The following DGKB variants were observed in gnomAD, a reference collection of about 807,000 sequenced individuals.
DGKB encodes 90 kDa diacylglycerol kinase.
A neutral mutation model predicts 114.3 loss-of-function variants in DGKB; 67 were observed. The ratio of observed to expected loss-of-function variants is 0.59; its 90% confidence interval spans 0.48 to 0.72. The LOEUF (loss-of-function observed/expected upper bound fraction) is 0.72. Ranked by LOEUF, DGKB falls within the 30% of genes least tolerant of loss-of-function variation. The pLI is 0.00. For synonymous variants in DGKB, 398 were observed against 323.1 expected (o/e 1.23, Z -2.49); for missense variants, 907 against 975.2 (o/e 0.93, Z 0.93).
chr7:14,541,062 T>A (rs1584688562), intron 20 of DGKB, among the ~76,000 whole-genome samples: 1 of 152,270 alleles, frequency 6.6e-6, no homozygotes, highest in South Asian at 2.1e-4. Flanking sequence ...TAGTAGCAGG[T>A]AGTTGACACC....
chr7:14,237,774 G>A (rs1172873616), intron 23 of DGKB, among the ~76,000 whole-genome samples: 1 of 151,610 alleles, frequency 6.6e-6, no homozygotes. Flanking sequence ...TTTTTAATTT[G>A]CCTGTTTAAG....
At chr7:14,674,207 T>C (rs949260904) in intron 12 of DGKB, among the ~76,000 whole-genome samples, 6 of 151,978 alleles carry the variant, frequency 3.9e-5, no homozygotes, top group Non-Finnish European at 5.9e-5. Context: ...AAACGTATCT[T>C]TCCATGTTCA....
chr7:14,236,640 T>A (rs1449522913), intron 23 of DGKB, among the ~76,000 whole-genome samples: 1 of 152,004 alleles, frequency 6.6e-6, no homozygotes, highest in African/African-American at 2.4e-5. Context: ...TAAAATTTTC[T>A]AAAAATCAAA....
chr7:14,902,012 C>A (rs1227114045), intron 1 of DGKB, among the ~76,000 whole-genome samples: 1 of 152,082 alleles, frequency 6.6e-6, no homozygotes, highest in Non-Finnish European at 1.5e-5. Flanking sequence ...GGGGACCCTC[C>A]ATGTGGCACC....
At chr7:14,201,073 A>G (rs927052497) in intron 23 of DGKB, among the ~76,000 whole-genome samples, 1 of 152,012 alleles carries the variant, frequency 6.6e-6, no homozygotes, top group African/African-American at 2.4e-5. Context: ...TGGATCGCAT[A>G]TAAACAACAA....
intron 21 of DGKB, among the ~76,000 whole-genome samples, chr7:14,407,563 C>T (rs570754919): frequency 2.3e-4 from 35 of 152,114 alleles, no homozygotes; most frequent in South Asian, 1.9e-3. Context: ...AAAAGCCTAA[C>T]CACACAAGCA....
At chr7:14,284,641 GA>G (rs1038504382) in intron 23 of DGKB, among the ~76,000 whole-genome samples, 3 of 146,622 alleles carry the variant, frequency 2.0e-5, no homozygotes, top group African/African-American at 8.0e-5. Context: ...ACTGGATTAA[GA>G]AAATGTGGCA....
intron 6 of DGKB, among the ~76,000 whole-genome samples, chr7:14,707,050 C>A (rs929280700): frequency 6.7e-6 from 1 of 150,208 alleles, no homozygotes; most frequent in Non-Finnish European, 1.5e-5. Context: ...AAAGGATCAA[C>A]AAAATTGACA....
At chr7:14,697,915 A>G in intron 8 of DGKB, among the ~76,000 whole-genome samples, 180 bp downstream of exon 8, 1 of 150,072 alleles carries the variant, frequency 6.7e-6, no homozygotes, top group Non-Finnish European at 1.5e-5. Context: ...AGAAGGAAGG[A>G]AGAGAGAGAA....
At chr7:14,558,320 G>T (rs1796165910) in intron 20 of DGKB, among the ~76,000 whole-genome samples, 2 of 151,704 alleles carry the variant, frequency 1.3e-5, no homozygotes, top group African/African-American at 4.8e-5. Flanking sequence ...AGAAATGAAA[G>T]TTTATAAATC....
At chr7:14,852,487 C>CAAAAAAAAAAAACAAAAAA in intron 1 of DGKB, among the ~76,000 whole-genome samples, 7 of 63,614 alleles carry the variant, frequency 1.1e-4, no homozygotes, top group Admixed American at 6.4e-4. Context: ...TAGTGAAAGT[C>CAAAAAAAAAAAACAAAAAA]AAAAAAAAAA....
chr7:14,713,162 T>C (rs1033447579), intron 6 of DGKB, among the ~76,000 whole-genome samples: 1 of 152,162 alleles, frequency 6.6e-6, no homozygotes, highest in Non-Finnish European at 1.5e-5. Context: ...TTATGCAAGA[T>C]AATTTTTTAT....
At chr7:14,689,212 T>TTA (rs1563917755) in intron 9 of DGKB, among the ~76,000 whole-genome samples, 1 of 130,490 alleles carries the variant, frequency 7.7e-6, no homozygotes. Context: ...TTTTTTTTTT[T>TTA]TTTTTTTTTT....
chr7:14,700,703 T>G (rs1237133984), intron 7 of DGKB, among the ~76,000 whole-genome samples: 2 of 152,150 alleles, frequency 1.3e-5, no homozygotes, highest in Admixed American at 1.3e-4. Flanking sequence ...CTTTTAAAAG[T>G]CTATTTTAGC....
chr7:14,180,057 C>T (rs981643579), intron 23 of DGKB, among the ~76,000 whole-genome samples: 22 of 152,096 alleles, frequency 1.4e-4, no homozygotes, highest in African/African-American at 3.4e-4. Flanking sequence ...AACCAGAAAA[C>T]GACATTGTGG....
intron 23 of DGKB, among the ~76,000 whole-genome samples, chr7:14,278,499 G>T (rs1799361798): frequency 6.6e-6 from 1 of 152,034 alleles, no homozygotes; most frequent in African/African-American, 2.4e-5. Context: ...AACTCAAATG[G>T]ACTAAACACT....
intron 9 of DGKB, among the ~76,000 whole-genome samples, chr7:14,690,813 T>TA (rs1410250493): frequency 2.0e-5 from 3 of 152,218 alleles, no homozygotes; most frequent in African/African-American, 7.2e-5. Context: ...TGGATTTTTT[T>TA]AAAAAACAAT....
intron 23 of DGKB, among the ~76,000 whole-genome samples, chr7:14,312,796 T>A (rs1487171414): frequency 6.6e-6 from 1 of 152,214 alleles, no homozygotes; most frequent in Non-Finnish European, 1.5e-5. Flanking sequence ...GGAAAACAAC[T>A]GACAGTATTT....
At chr7:14,599,511 T>A (rs1803169622) in intron 17 of DGKB, among the ~76,000 whole-genome samples, 1 of 152,192 alleles carries the variant, frequency 6.6e-6, no homozygotes, top group Non-Finnish European at 1.5e-5. Context: ...AGCTACCTCC[T>A]CATCTTCACA....
Sources: gnomAD v4.1 joint callset for allele counts (sites outside exome capture counted in the v4.1 genomes callset) on GRCh38, gnomAD v4.1.1 for gene constraint, MANE v1.5 for transcripts, NCBI Gene and HGNC (gene_info 2026-07-23, HGNC 2026-07-21) for gene names.